The following TRPM6 variants were observed in gnomAD, a reference collection of about 807,000 sequenced individuals.
The protein encoded by TRPM6 is channel kinase 2.
TRPM6 carries 111 observed loss-of-function variants against 247.6 expected under a neutral mutation model. The ratio of observed to expected loss-of-function variants is 0.45; its 90% CI spans 0.38 to 0.52. TRPM6 has a LOEUF of 0.52. Among genes scored for constraint, TRPM6 ranks in the 20% least tolerant of loss-of-function variants. The pLI is 0.00. For missense variants in TRPM6, 2,126 were observed against 2,421.5 expected (o/e 0.88, Z 2.56); for synonymous variants, 892 against 853.8 (o/e 1.04, Z -0.78).
chr9:74,844,239 A>G (rs997220291), intron 3 of TRPM6, among the ~76,000 whole-genome samples: 2 of 152,136 alleles, frequency 1.3e-5, no homozygotes, highest in African/African-American at 4.8e-5. Flanking sequence ...CAAACCTCCA[A>G]TTGTCTCCTA....
rs57338419 is a variant in TRPM6, at chr9:74,856,467, CTGTGTGTGTG to C, written c.114-912_114-903del. 1.3e-3 allele frequency among the ~76,000 whole-genome samples: 197 copies of C among 147,824 alleles called. 1 individual carries two copies. The East Asian group carries it at 0.032, about 24-fold the overall frequency. On this transcript the variant is annotated intron_variant, in intron 2 of 38. Transcript: ENST00000360774. ...AATATGTGTGTGTGTGTGTGTGTGT[CTGTGTGTGTG>C]TGTGTGTGTGTGAAGAAGTATTAAC...
intron 1 of TRPM6, among the ~76,000 whole-genome samples, chr9:74,872,053 A>G (rs1831046145): frequency 6.6e-6 from 1 of 151,946 alleles, no homozygotes; most frequent in Non-Finnish European, 1.5e-5. Context: ...GAGTTTCACT[A>G]TGTTGGCCAG....
At chr9:74,804,766 G>C in intron 14 of TRPM6, 1 of 742,498 alleles carries the variant, frequency 1.3e-6, no homozygotes, top group East Asian at 2.5e-5. Flanking sequence ...ACCACTGAAT[G>C]GTCTTAAGCT....
intron 28 of TRPM6, among the ~76,000 whole-genome samples, chr9:74,754,180 G>A (rs2118806269): frequency 6.6e-6 from 1 of 151,972 alleles, no homozygotes; most frequent in African/African-American, 2.4e-5. Context: ...CAAATTTATG[G>A]TCTCTAGTAA....
intron 25 of TRPM6, among the ~76,000 whole-genome samples, chr9:74,768,186 G>T (rs1194236671): frequency 2.0e-5 from 3 of 152,092 alleles, no homozygotes; most frequent in African/African-American, 7.2e-5. Flanking sequence ...CCTTCTTCTA[G>T]TTCTCTTTAT....
rs569435988 is a variant in TRPM6, at chr9:74,801,795, G to A, written c.2009+103C>T. 2.8e-6 allele frequency: 4 copies of A among 1,416,660 alleles called. No individual in the cohort carries two copies. The Admixed American group carries it at 5.1e-5, about 18-fold the overall frequency. 87.8% of individuals were successfully genotyped at this position (1,416,660 alleles called of 1,614,324 possible). Reference sequence around the variant, plus strand: ...AGGAGAGTCCATAAAATGCATGGCGGTAAGTCCATTTGTCCTACAAGTTTA... The same window carrying A: ...AGGAGAGTCCATAAAATGCATGGCGATAAGTCCATTTGTCCTACAAGTTTA... On this transcript the variant is annotated intron_variant, in intron 16 of 38. Coordinates refer to ENST00000360774, the MANE Select transcript of TRPM6 (RefSeq NM_017662.5).
intron 7 of TRPM6, among the ~76,000 whole-genome samples, chr9:74,823,657 C>A (rs781197337): frequency 2.7e-4 from 41 of 152,096 alleles, no homozygotes; most frequent in Admixed American, 8.5e-4. Context: ...CTTATAAAAG[C>A]CAAATGAGGC....
intron 23 of TRPM6, among the ~76,000 whole-genome samples, chr9:74,778,509 A>C (rs1342498559): frequency 1.3e-5 from 2 of 152,190 alleles, no homozygotes; most frequent in Non-Finnish European, 2.9e-5. Flanking sequence ...GAGAGTTCTC[A>C]AAGCAATGTT....
intron 8 of TRPM6, 52 bp downstream of exon 8, chr9:74,821,617 T>G (rs562576206): frequency 3.5e-4 from 554 of 1,600,668 alleles, no homozygotes; most frequent in Non-Finnish European, 4.4e-4. Flanking sequence ...AGAACTAAAA[T>G]GGAGGAATAA....
chr9:74,783,783 T>C (rs1406563212), intron 21 of TRPM6, among the ~76,000 whole-genome samples: 1 of 152,214 alleles, frequency 6.6e-6, no homozygotes, highest in Non-Finnish European at 1.5e-5. Context: ...GGAAAAATCT[T>C]TGGAGTCCTG....
At chr9:74,761,146 TCATAAATTACTGGTGGG>T (rs967000727) in intron 27 of TRPM6, among the ~76,000 whole-genome samples, 5 of 152,208 alleles carry the variant, frequency 3.3e-5, no homozygotes, top group African/African-American at 1.2e-4. Context: ...GCTGAAATGC[TCATAAATTACTGGTGGG>T]CATGTAAAAT....
At chr9:74,745,374 C>A (rs1826005210) in intron 31 of TRPM6, among the ~76,000 whole-genome samples, 1 of 151,794 alleles carries the variant, frequency 6.6e-6, no homozygotes, top group Non-Finnish European at 1.5e-5. Context: ...GAGCAGTAAT[C>A]AAAACAGATA....
At chr9:74,858,813 T>G in intron 1 of TRPM6, 65 bp from the exon 2 acceptor site, 1 of 1,324,774 alleles carries the variant, frequency 7.5e-7, no homozygotes, top group South Asian at 1.2e-5. Flanking sequence ...CCATAGTAGT[T>G]CCTGCAGGTA....
At chr9:74,876,373 G>A (rs185777981) in intron 1 of TRPM6, among the ~76,000 whole-genome samples, 5 of 152,258 alleles carry the variant, frequency 3.3e-5, no homozygotes, top group South Asian at 2.1e-4. Context: ...GTGAGCCACC[G>A]CACCCAGCCA....
At chr9:74,785,245 C>T (rs563721066) in intron 21 of TRPM6, among the ~76,000 whole-genome samples, 5 of 152,254 alleles carry the variant, frequency 3.3e-5, no homozygotes, top group African/African-American at 9.6e-5. Flanking sequence ...ATGGGAGGAT[C>T]CCTTGAGCCC....
At chr9:74,849,351 C>CAAA (rs11333236) in intron 3 of TRPM6, among the ~76,000 whole-genome samples, 3 of 69,426 alleles carry the variant, frequency 4.3e-5, no homozygotes, top group Non-Finnish European at 9.6e-5. Context: ...AACTTCATCT[C>CAAA]AAAAAAAAAA....
intron 9 of TRPM6, among the ~76,000 whole-genome samples, chr9:74,819,948 A>C (rs1829081703): frequency 6.6e-6 from 1 of 152,136 alleles, no homozygotes; most frequent in South Asian, 2.1e-4. Flanking sequence ...AGCTAGATAC[A>C]CTCAAAATCA....
intron 37 of TRPM6, among the ~76,000 whole-genome samples, chr9:74,729,069 G>A (rs1223911848): frequency 6.6e-6 from 1 of 152,144 alleles, no homozygotes; most frequent in Non-Finnish European, 1.5e-5. Context: ...GTGTTCATCC[G>A]TTATCATATC....
intron 18 of TRPM6, among the ~76,000 whole-genome samples, chr9:74,793,437 C>T (rs79552365): frequency 0.027 from 4,134 of 152,044 alleles, 158 homozygotes; most frequent in African/African-American, 0.085. Flanking sequence ...AACCAACCTC[C>T]GCCTCCCAGG....
Sources: gnomAD v4.1 joint callset for allele counts (sites outside exome capture counted in the v4.1 genomes callset) on GRCh38, gnomAD v4.1.1 for gene constraint, MANE v1.5 for transcripts, NCBI Gene and HGNC (gene_info 2026-07-23, HGNC 2026-07-21) for gene names.